The following CGB2 variants were observed in gnomAD, a reference collection of about 807,000 sequenced individuals.
CGB2 encodes choriogonadotropin subunit beta variant 2.
A neutral mutation model predicts 7.1 loss-of-function variants in CGB2; 4 were observed. The ratio of observed to expected loss-of-function variants is 0.57; its 90% CI spans 0.28 to 1.29. CGB2 has a LOEUF of 1.29. Ranked by LOEUF, CGB2 falls within the 50% of genes most tolerant of loss-of-function variation. The pLI is 0.10. For missense variants in CGB2, 88 were observed against 224.0 expected (o/e 0.39, Z 3.88); for synonymous variants, 51 against 100.3 (o/e 0.51, Z 2.94).
chr19:49,032,502 A>C lies in CGB2; in HGVS notation c.10-2A>C. 6.3e-7 allele frequency: 1 copy of C among 1,582,624 alleles called. No individual in the cohort carries two copies. The highest frequency in any genetic ancestry group is 1.7e-5 in the Admixed American group (1 of 57,368). ...CCGGGTGAAGCAGTGTCCTTGTCCC[A>C]GGGGCTGCTGCTGTTGCTGCTGCTG... On this transcript the variant is annotated splice_acceptor_variant, in intron 1 of 2. Transcript: ENST00000359342. LOFTEE classifies it high-confidence loss of function.
chr19:49,032,343 T>C (rs1036783745), intron 1 of CGB2, 161 bp from the exon 2 acceptor site: 30 of 1,580,834 alleles, frequency 1.9e-5, no homozygotes, highest in Middle Eastern at 4.4e-4. Flanking sequence ...CTCTGGGCTG[T>C]GGGGTGGGCT....
rs2039738812 is a variant in CGB2, at chr19:49,031,958, G to A, written c.-138G>A. 2 of 1,187,164 alleles carry A rather than the reference G, an allele frequency of 1.7e-6. No homozygotes were observed. Among genetic ancestry groups the A allele is most frequent in the South Asian group, 2.5e-5 (2 of 79,294 alleles). 73.5% of individuals were successfully genotyped at this position (1,187,164 alleles called of 1,614,324 possible). A position where few individuals can be genotyped will look rare whatever the true frequency, so the allele number is the denominator to read the frequency against. The stretch of plus-strand genomic sequence containing the variant: ...GTATCTGAGAGAGAGCAGCCAATTG[G>A]GTCCGCTGACTCCGGCCGGGTTCCC... On this transcript the variant is annotated 5_prime_UTR_variant, in exon 1 of 3. Transcript: ENST00000359342.
At chr19:49,032,244 C>G (rs1028590493) in intron 1 of CGB2, 140 bp downstream of exon 1, 41 of 1,610,540 alleles carry the variant, frequency 2.5e-5, no homozygotes, top group Non-Finnish European at 3.4e-5. Context: ...TGGAAGGAGG[C>G]CTCTTTCTGG....
chr19:49,032,155 A>G (rs780994360), intron 1 of CGB2, 51 bp downstream of exon 1: 3 of 1,613,960 alleles, frequency 1.9e-6, no homozygotes. Context: ...GTTCCAGGAA[A>G]GACTGCAGGG....
chr19:49,032,148 C>G, intron 1 of CGB2, 44 bp downstream of exon 1: 1 of 1,613,940 alleles, frequency 6.2e-7, no homozygotes, highest in Admixed American at 1.7e-5. Context: ...TGGAGATGTT[C>G]CAGGAAAGAC....
chr19:49,031,988 C>T lies in CGB2; in HGVS notation c.-108C>T, dbSNP rs2039739633. 9 of 1,511,940 alleles carry T rather than the reference C, an allele frequency of 6.0e-6. No homozygotes were observed. The highest frequency in any genetic ancestry group is 8.3e-6 in the Non-Finnish European group (9 of 1,088,442). The allele number at this position is 1,511,940 out of a possible 1,614,324, so 93.7% of individuals were successfully genotyped here. On this transcript the variant is annotated 5_prime_UTR_variant, in exon 1 of 3. Transcript: ENST00000359342. Reference sequence around the variant, plus strand: ...GCTGACTCCGGCCGGGTTCCCGTGCCGCGTCCAACACCCCTCACTCCCTGT... The same window carrying T: ...GCTGACTCCGGCCGGGTTCCCGTGCTGCGTCCAACACCCCTCACTCCCTGT...
Position 49,033,228 on chromosome 19 carries a change from C to T in CGB2, c.*7C>T, listed in dbSNP as rs1226118495. The T allele has an allele frequency of 1.2e-6, 2 of 1,611,874 alleles. No individual in the cohort carries two copies. Among genetic ancestry groups the T allele is most frequent in the Non-Finnish European group, 1.7e-6 (2 of 1,179,928 alleles). Reference sequence around the variant, plus strand: ...CCCGATCCTCCCACAATAAAGGCTTCTCAATCCGCACTCTGGCGGTGTCTT... The same window carrying T: ...CCCGATCCTCCCACAATAAAGGCTTTTCAATCCGCACTCTGGCGGTGTCTT... On this transcript the variant is annotated 3_prime_UTR_variant, in exon 3 of 3. Transcript: ENST00000359342.
chr19:49,032,026 C>T lies in CGB2; in HGVS notation c.-70C>T, dbSNP rs1472415190. The T allele has an allele frequency of 3.7e-6, 6 of 1,607,720 alleles. No individual in the cohort carries two copies. In the African/African-American group the frequency reaches 5.3e-5, roughly 14 times the overall value. On this transcript the variant is annotated 5_prime_UTR_variant, in exon 1 of 3. It adds an upstream start codon to the 5' untranslated region. Coordinates refer to ENST00000359342, the MANE Select transcript of CGB2 (RefSeq NM_033378.2). ...CCTCACTCCCTGTCTCACTCCCCCA[C>T]GGAGACTCAATTTACTTTCCATGTC...
chr19:49,032,272 T>C, intron 1 of CGB2, 168 bp downstream of exon 1: 2 of 1,600,118 alleles, frequency 1.2e-6, no homozygotes, highest in Non-Finnish European at 1.7e-6. Flanking sequence ...TGACCCCCAG[T>C]AAGCTTCAGG....
rs1041617148 is a variant in CGB2, at chr19:49,031,905, G to A, written c.-191G>A. The stretch of plus-strand genomic sequence containing the variant: ...GCCAGTGAGGGCCCTGCGTTCCGTG[G>A]CGCCCCCTGGAGGGAGGAAGGGGAA... On this transcript the variant is annotated 5_prime_UTR_variant, in exon 1 of 3. Coordinates refer to ENST00000359342, the MANE Select transcript of CGB2 (RefSeq NM_033378.2). The A allele has an allele frequency of 2.8e-5, 20 of 709,904 alleles. No homozygotes were observed. The highest frequency in any genetic ancestry group is 4.6e-5 in the Non-Finnish European group (19 of 414,792). 44.0% of individuals were successfully genotyped at this position (709,904 alleles called of 1,614,324 possible).
intron 1 of CGB2, 30 bp from the exon 2 acceptor site, chr19:49,032,474 G>A (rs2039750006): frequency 1.3e-6 from 2 of 1,554,636 alleles, no homozygotes; most frequent in Non-Finnish European, 1.7e-6. Flanking sequence ...TGCGGTCTCA[G>A]ACCCGGGTGA....
chr19:49,032,350 G>T, intron 1 of CGB2, 154 bp from the exon 2 acceptor site: 1 of 1,583,072 alleles, frequency 6.3e-7, no homozygotes, highest in Non-Finnish European at 8.6e-7. Context: ...CTGTGGGGTG[G>T]GCTCTGAAAG....
rs2039738611 is a variant in CGB2 at position 49,031,953 on chromosome 19, A to C, written c.-143A>C. The C allele has an allele frequency of 8.9e-7, 1 of 1,120,576 alleles. No individual in the cohort carries two copies. Among genetic ancestry groups the C allele is most frequent in the African/African-American group, 1.5e-5 (1 of 65,260 alleles). 69.4% of individuals were successfully genotyped at this position (1,120,576 alleles called of 1,614,324 possible). A position where few individuals can be genotyped will look rare whatever the true frequency, so the allele number is the denominator to read the frequency against. ...GAACTGTATCTGAGAGAGAGCAGCC[A>C]ATTGGGTCCGCTGACTCCGGCCGGG... On this transcript the variant is annotated 5_prime_UTR_variant, in exon 1 of 3. Coordinates refer to ENST00000359342, the MANE Select transcript of CGB2 (RefSeq NM_033378.2).
In CGB2 at chr19:49,033,142, C is replaced by T; in HGVS notation, c.413C>T (p.Ser138Phe). The T allele has an allele frequency of 6.2e-7, 1 of 1,609,550 alleles. No individual in the cohort carries two copies. ...CDDPRFQASS[S>F]SKAPPPSLPS... Reference sequence around the variant, plus strand: ...GACCCCCGCTTCCAGGCCTCCTCTTCCTCAAAGGCCCCTCCCCCCAGCCTT... The same window carrying T: ...GACCCCCGCTTCCAGGCCTCCTCTTTCTCAAAGGCCCCTCCCCCCAGCCTT... Residue 138 changes from serine to phenylalanine, a missense_variant, in exon 3 of 3, where the codon TCC becomes TTC. Coordinates refer to ENST00000359342, the MANE Select transcript of CGB2 (RefSeq NM_033378.2).
Position 49,032,919 on chromosome 19 carries a change from C to A in CGB2, c.190C>A (p.Gln64Lys). 6.8e-6 allele frequency: 7 copies of A among 1,034,204 alleles called. No homozygotes were observed. The South Asian group carries it at 1.1e-4, about 16-fold the overall frequency. 64.1% of individuals were successfully genotyped at this position (1,034,204 alleles called of 1,614,324 possible). A position where few individuals can be genotyped will look rare whatever the true frequency, so the allele number is the denominator to read the frequency against. Residue 64 changes from glutamine to lysine, a missense_variant, in exon 3 of 3, where the codon CAG (glutamine) becomes AAG (lysine). By Grantham distance (53) the Gln-to-Lys change is moderately conservative (BLOSUM62 1). Transcript: ENST00000359342. ...ACACGGCTTCCAGACCCGCGTGCTG[C>A]AGGGGGTCCTGCCGGCCCTGCCTCA... ...GYCPTMTRVL[Q>K]GVLPALPQVV...
Position 49,033,152 on chromosome 19 carries a change from C to T in CGB2, c.423C>T (p.Ala141=), listed in dbSNP as rs371049621. 12 of 1,610,472 alleles carry T rather than the reference C, an allele frequency of 7.5e-6. No homozygotes were observed. In the East Asian group the frequency reaches 2.2e-4, roughly 30 times the overall value. Residue 141 remains alanine, a synonymous_variant, in exon 3 of 3, where the codon GCC becomes GCT. Coordinates refer to ENST00000359342, the MANE Select transcript of CGB2 (RefSeq NM_033378.2). ...TCCAGGCCTCCTCTTCCTCAAAGGC[C>T]CCTCCCCCCAGCCTTCCAAGCCCAT... ...PRFQASSSSK[A]PPPSLPSPSR... is the part of the protein sequence containing the mutation.
At chr19:49,032,745 T>C in intron 2 of CGB2, 74 bp downstream of exon 2, 2 of 711,678 alleles carry the variant, frequency 2.8e-6, no homozygotes, top group South Asian at 3.8e-5. Flanking sequence ...GGAGGAAGGG[T>C]GGTCTGCCTC....
At chr19:49,032,301 T>C (rs2039746468) in intron 1 of CGB2, 197 bp downstream of exon 1, 1 of 1,581,232 alleles carries the variant, frequency 6.3e-7, no homozygotes. Context: ...TTCCTGAGGG[T>C]GGGGATCTAA....
At chr19:49,032,133 A>G (rs1490053178) in intron 1 of CGB2, 29 bp downstream of exon 1, 1 of 1,613,918 alleles carries the variant, frequency 6.2e-7, no homozygotes, top group Admixed American at 1.7e-5. Context: ...TCCAGGCACC[A>G]AAGATGGAGA....
Sources: allele counts gnomAD v4.1 joint callset, GRCh38; gene constraint gnomAD v4.1.1; transcripts MANE v1.5; gene names NCBI Gene and HGNC (gene_info 2026-07-23, HGNC 2026-07-21).